The following PLXNA2 variants were observed in gnomAD, a reference collection of about 807,000 sequenced individuals.
PLXNA2 encodes the protein plexin-A2.
A neutral mutation model predicts 193.5 loss-of-function variants in PLXNA2; 91 were observed. The observed-to-expected ratio is 0.47, with a 90% CI of 0.40 to 0.56. The LOEUF is 0.56. PLXNA2 is among the 20% of genes least tolerant of loss of function. The pLI is 0.00. For synonymous variants in PLXNA2, 997 were observed against 1,027.3 expected (o/e 0.97, Z 0.56); for missense variants, 1,995 against 2,503.2 (o/e 0.80, Z 4.33).
chr1:208,229,240 G>A (rs1671610777), intron 1 of PLXNA2, among the ~76,000 whole-genome samples: 1 of 152,142 alleles, frequency 6.6e-6, no homozygotes, highest in Admixed American at 6.5e-5. Flanking sequence ...GGAGAGGCTA[G>A]AATCACACAC....
intron 3 of PLXNA2, among the ~76,000 whole-genome samples, 153 bp from the exon 4 acceptor site, chr1:208,142,616 A>G (rs1223458073): frequency 2.0e-5 from 3 of 152,226 alleles, no homozygotes; most frequent in Admixed American, 1.3e-4. Context: ...TAAACAGCCC[A>G]ATTTCCACCA....
intron 3 of PLXNA2, among the ~76,000 whole-genome samples, chr1:208,193,720 T>A (rs546514138): frequency 1.3e-5 from 2 of 152,248 alleles, no homozygotes; most frequent in African/African-American, 4.8e-5. Context: ...GGCAAATTCA[T>A]GCCCAAAATA....
Position 208,024,889 on chromosome 1 carries a change from A to G in PLXNA2, c.*2354T>C, listed in dbSNP as rs1245779524. On this transcript the variant is annotated 3_prime_UTR_variant, in exon 32 of 32. Transcript: ENST00000367033. ...GGCTGAACTTTTTTACAGGTAGCAT[A>G]AGGTCTCCTGGTCACACTCTTCTTA... 6.6e-6 allele frequency: 1 copy of G among 152,226 alleles called. No homozygotes were observed. Among genetic ancestry groups the G allele is most frequent in the Non-Finnish European group, 1.5e-5 (1 of 68,078 alleles). 9.4% of individuals were successfully genotyped at this position (152,226 alleles called of 1,614,324 possible). A position where few individuals can be genotyped will look rare whatever the true frequency, so the allele number is the denominator to read the frequency against.
intron 1 of PLXNA2, among the ~76,000 whole-genome samples, chr1:208,221,838 T>C (rs1012629503): frequency 6.6e-6 from 1 of 152,232 alleles, no homozygotes. Context: ...GCATGAGCTC[T>C]GAACTTAGGT....
chr1:208,037,976 G>C (rs144531381), intron 26 of PLXNA2, among the ~76,000 whole-genome samples: 521 of 152,368 alleles, frequency 3.4e-3, no homozygotes, highest in Non-Finnish European at 6.1e-3. Flanking sequence ...GGTGTGGGCT[G>C]TGTTAGTAAG....
rs1009350558 is a variant in PLXNA2, at chr1:208,236,526, G to T, written c.-81+7117C>A. 2.0e-5 allele frequency among the ~76,000 whole-genome samples: 3 copies of T among 152,254 alleles called. No homozygotes were observed. In the South Asian group the frequency reaches 6.2e-4, roughly 32 times the overall value. ...TCTCCCTTAAAGGGTGGAGCACACT[G>T]CCTGGCCGGCTGCTCCCTCTAACCC... On this transcript the variant is annotated intron_variant, in intron 1 of 31. Transcript: ENST00000367033. This position sits in a 1 kb window ranked among gnomAD's most constrained non-coding sequence, Gnocchi z 4.4.
At chr1:208,198,831 G>A (rs1043600085) in intron 3 of PLXNA2, among the ~76,000 whole-genome samples, 1 of 152,226 alleles carries the variant, frequency 6.6e-6, no homozygotes, top group African/African-American at 2.4e-5. Context: ...TCTGGAGTCA[G>A]AGAGCTCTGG....
At chr1:208,141,660 C>T (rs1418919216) in intron 4 of PLXNA2, among the ~76,000 whole-genome samples, 1 of 152,076 alleles carries the variant, frequency 6.6e-6, no homozygotes, top group African/African-American at 2.4e-5. Context: ...TCATGAATCC[C>T]CTGCCTTCCC....
Position 208,044,686 on chromosome 1 carries a change from G to A in PLXNA2, c.3696C>T (p.Ser1232=). The A allele has an allele frequency of 6.2e-7, 1 of 1,614,126 alleles. No individual in the cohort carries two copies. Among genetic ancestry groups the A allele is most frequent in the African/African-American group, 1.3e-5 (1 of 75,038 alleles). Residue 1232 remains serine (S), a synonymous_variant, in exon 20 of 32, where the codon AGC becomes AGT. Transcript: ENST00000367033. The surrounding 1 kb of genome is among the most constrained non-coding windows in gnomAD (Gnocchi z 4.9). ...SPGSVSVISD[S]LLTLPAIVSI... ...TGACGATGGCTGGCAGGGTCAGCAA[G>A]CTGTCTGAGATGACACTCACCGAGC...
At chr1:208,111,158 C>T (rs1667461340) in intron 4 of PLXNA2, among the ~76,000 whole-genome samples, 1 of 152,152 alleles carries the variant, frequency 6.6e-6, no homozygotes. Context: ...TCAACGGATT[C>T]TCTTGCCTCA....
At chr1:208,165,429 G>A (rs1669268577) in intron 3 of PLXNA2, among the ~76,000 whole-genome samples, 1 of 152,168 alleles carries the variant, frequency 6.6e-6, no homozygotes, top group Non-Finnish European at 1.5e-5. Context: ...GGCTCTGAGA[G>A]TTTATGAGAC....
Position 208,038,828 on chromosome 1 carries a change from A to G in PLXNA2, c.4657T>C (p.Leu1553=). Reference sequence around the variant, plus strand: ...ACTCTGAGTCCAGGTTTCCTACCCAAGTCCATGTCCACTGCCCTCGGCCGC... The same window carrying G: ...ACTCTGAGTCCAGGTTTCCTACCCAGGTCCATGTCCACTGCCCTCGGCCGC... ...SQRPRAVDMD[L]EWRQGRIARV... Residue 1553 remains leucine (L), a synonymous_variant, in exon 25 of 32, where the codon TTG becomes CTG. Transcript: ENST00000367033. The surrounding 1 kb of genome is among the most constrained non-coding windows in gnomAD (Gnocchi z 4.1). 1 of 1,613,544 alleles carries G rather than the reference A, an allele frequency of 6.2e-7. No homozygotes were observed. The highest frequency in any genetic ancestry group is 8.5e-7 in the Non-Finnish European group (1 of 1,179,702).
chr1:208,107,610 G>A (rs1177605271), intron 4 of PLXNA2, among the ~76,000 whole-genome samples: 2 of 152,202 alleles, frequency 1.3e-5, no homozygotes, highest in African/African-American at 4.8e-5. Flanking sequence ...AACTCAAGAA[G>A]GAAAGGGAGC....
At chr1:208,120,086 G>A (rs1667758211) in intron 4 of PLXNA2, among the ~76,000 whole-genome samples, 1 of 152,198 alleles carries the variant, frequency 6.6e-6, no homozygotes, top group Admixed American at 6.5e-5. Flanking sequence ...TGGTGTCTCT[G>A]CACCTTTGGC....
Position 208,038,547 on chromosome 1 carries a change from C to A in PLXNA2, c.4661-73G>T. ...TGTGAGCCAGTGTCTCCCGATTGCA[C>A]CTTCTCTAGGGACCTGGCAACCCGG... On this transcript the variant is annotated intron_variant, in intron 25 of 31. Transcript: ENST00000367033. This position sits in a 1 kb window ranked among gnomAD's most constrained non-coding sequence, Gnocchi z 4.1. 1 of 1,186,544 alleles carries A rather than the reference C, an allele frequency of 8.4e-7. No homozygotes were observed. Among genetic ancestry groups the A allele is most frequent in the East Asian group, 2.3e-5 (1 of 42,824 alleles). The allele number at this position is 1,186,544 out of a possible 1,614,324, so 73.5% of individuals were successfully genotyped here. A position where few individuals can be genotyped will look rare whatever the true frequency, so the allele number is the denominator to read the frequency against.
chr1:208,229,568 G>GCT (rs1262071595), intron 1 of PLXNA2, among the ~76,000 whole-genome samples: 2 of 152,198 alleles, frequency 1.3e-5, no homozygotes, highest in African/African-American at 4.8e-5. Context: ...AGGAGGTAGT[G>GCT]AAGAAGGAGG....
intron 3 of PLXNA2, among the ~76,000 whole-genome samples, chr1:208,182,236 C>T (rs1260909443): frequency 3.9e-5 from 6 of 152,106 alleles, no homozygotes; most frequent in Non-Finnish European, 5.9e-5. Flanking sequence ...AGTTCGAGAC[C>T]AGCCTGACCA....
chr1:208,217,668 T>C lies in PLXNA2; in HGVS notation c.255A>G (p.Thr85=). 1 of 1,614,234 alleles carries C rather than the reference T, an allele frequency of 6.2e-7. No homozygotes were observed. Among genetic ancestry groups the C allele is most frequent in the East Asian group, 2.2e-5 (1 of 44,880 alleles). The change falls in exon 2 of 32, where the codon ACA becomes ACG. Residue 85 remains threonine (T), a synonymous_variant. Transcript: ENST00000367033. This position sits in a 1 kb window ranked among gnomAD's most constrained non-coding sequence, Gnocchi z 4.7. The part of the protein sequence containing the change: ...GNLTIQVAHK[T]GPEEDNKSCY... ...AAGACTTGTTGTCCTCTTCTGGCCCTGTCTTATGAGCCACCTGGATGGTCA... is the reference window on the plus strand; with the variant it reads ...AAGACTTGTTGTCCTCTTCTGGCCCCGTCTTATGAGCCACCTGGATGGTCA...
At chr1:208,188,490 C>T (rs548081174) in intron 3 of PLXNA2, among the ~76,000 whole-genome samples, 4 of 152,212 alleles carry the variant, frequency 2.6e-5, no homozygotes, top group Admixed American at 2.0e-4. Context: ...AGGAGGATCA[C>T]CTGAGGTCAG....
Sources: allele counts gnomAD v4.1 joint callset (sites outside exome capture counted in the v4.1 genomes callset), GRCh38; gene constraint gnomAD v4.1.1; non-coding constraint Gnocchi (gnomAD v3.1); transcripts MANE v1.5; gene names NCBI Gene and HGNC (gene_info 2026-07-23, HGNC 2026-07-21).